The following EPS15 variants were observed in gnomAD, a reference collection of about 807,000 sequenced individuals.
EPS15 encodes epidermal growth factor receptor pathway substrate 15, also known as epidermal growth factor receptor substrate 15.
Under a neutral mutation model 113.8 loss-of-function variants are expected in EPS15, and 72 were observed. The observed-to-expected ratio is 0.63, with a 90% CI of 0.52 to 0.77. The LOEUF (loss-of-function observed/expected upper bound fraction) is 0.77. Ranked by LOEUF, EPS15 falls within the 30% of genes least tolerant of loss-of-function variation. The pLI is 0.00. For synonymous variants in EPS15, 344 were observed against 363.4 expected, an observed-to-expected ratio of 0.95 and a Z score of 0.61; for missense variants, 1,048 against 1,045.8, an observed-to-expected ratio of 1.00 and a Z score of -0.03.
intron 22 of EPS15, among the ~76,000 whole-genome samples, chr1:51,364,718 C>G (rs919785612): frequency 6.7e-6 from 1 of 149,232 alleles, no homozygotes; most frequent in African/African-American, 2.5e-5. Flanking sequence ...AGGCTGGTCT[C>G]GAACTCCTGG....
chr1:51,490,299 C>T (rs956793627), intron 1 of EPS15: 1 of 448,526 alleles, frequency 2.2e-6, no homozygotes, highest in Admixed American at 2.4e-5. Flanking sequence ...GGCATGGTGG[C>T]TCACACCTAT....
intron 8 of EPS15, chr1:51,458,420 T>C (rs1418438944): frequency 2.6e-5 from 8 of 302,246 alleles, no homozygotes; most frequent in Non-Finnish European, 4.0e-5. Context: ...ATGACACTAC[T>C]ATTCCCCATC....
At chr1:51,429,343 G>C (rs1362716892) in intron 12 of EPS15, among the ~76,000 whole-genome samples, 1 of 150,308 alleles carries the variant, frequency 6.7e-6, no homozygotes, top group South Asian at 2.1e-4. Flanking sequence ...GTGAAACTCT[G>C]TCTCAAAAAA....
chr1:51,412,160 G>A (rs1174602527), intron 13 of EPS15, among the ~76,000 whole-genome samples: 1 of 152,148 alleles, frequency 6.6e-6, no homozygotes, highest in Non-Finnish European at 1.5e-5. Context: ...TGAACAATGA[G>A]AACGCATGGA....
At chr1:51,451,719 A>C (rs1316791465) in intron 8 of EPS15, among the ~76,000 whole-genome samples, 1 of 151,912 alleles carries the variant, frequency 6.6e-6, no homozygotes, top group Non-Finnish European at 1.5e-5. Context: ...ATTTGCATAC[A>C]GACTGTCCCA....
intron 5 of EPS15, 141 bp downstream of exon 5, chr1:51,468,332 C>A (rs1654998422): frequency 1.5e-6 from 1 of 670,296 alleles, no homozygotes; most frequent in African/African-American, 1.8e-5. Flanking sequence ...ACAGCAGGAG[C>A]CAGTAGGGGG....
At chr1:51,381,744 T>C (rs1468761801) in intron 21 of EPS15, among the ~76,000 whole-genome samples, 2 of 151,876 alleles carry the variant, frequency 1.3e-5, no homozygotes, top group Non-Finnish European at 2.9e-5. Context: ...CAAAGAAAAT[T>C]AGAAAATATC....
intron 1 of EPS15, among the ~76,000 whole-genome samples, chr1:51,511,134 C>T (rs1644612168): frequency 6.6e-6 from 1 of 151,810 alleles, no homozygotes; most frequent in Non-Finnish European, 1.5e-5. Flanking sequence ...CCACTGCACT[C>T]CAGCCTGAGC....
chr1:51,512,921 C>T (rs977754439), intron 1 of EPS15, among the ~76,000 whole-genome samples: 9 of 144,768 alleles, frequency 6.2e-5, no homozygotes, highest in African/African-American at 2.1e-4. Flanking sequence ...GCAATTATAG[C>T]TCACTGTAAC....
At chr1:51,504,178 G>A (rs1367618271) in intron 1 of EPS15, among the ~76,000 whole-genome samples, 2 of 152,092 alleles carry the variant, frequency 1.3e-5, no homozygotes, top group African/African-American at 2.4e-5. Context: ...TCTGGGAGGC[G>A]AAAGCGAGCA....
Position 51,356,547 on chromosome 1 carries a change from G to T in EPS15, c.*153C>A. On this transcript the variant is annotated 3_prime_UTR_variant, in exon 25 of 25. Coordinates refer to ENST00000371733, the MANE Select transcript of EPS15 (RefSeq NM_001981.3). ...AAAAAAAAGACGAATCTGTAATGAA[G>T]AAAAAAAAAAAATCCTAAAATTTTG... 2.1e-6 allele frequency: 1 copy of T among 465,842 alleles called. No individual in the cohort carries two copies. The highest frequency in any genetic ancestry group is 3.5e-6 in the Non-Finnish European group (1 of 285,630). The allele number at this position is 465,842 out of a possible 1,614,324, so 28.9% of individuals were successfully genotyped here. A position where few individuals can be genotyped will look rare whatever the true frequency, so the allele number is the denominator to read the frequency against.
intron 21 of EPS15, among the ~76,000 whole-genome samples, chr1:51,394,019 T>C (rs897782382): frequency 7.2e-5 from 11 of 152,220 alleles, no homozygotes; most frequent in Non-Finnish European, 1.6e-4. Context: ...TGTAAAGCAA[T>C]TTTCATTTTC....
At chr1:51,475,185 G>C (rs1196834065) in intron 2 of EPS15, among the ~76,000 whole-genome samples, 6 of 152,186 alleles carry the variant, frequency 3.9e-5, no homozygotes, top group African/African-American at 1.2e-4. Context: ...ATAATCCTTT[G>C]GGTATATACT....
chr1:51,455,462 C>T (rs1653918922), intron 8 of EPS15, among the ~76,000 whole-genome samples: 1 of 151,918 alleles, frequency 6.6e-6, no homozygotes, highest in Admixed American at 6.6e-5. Flanking sequence ...TGGTGGCGGG[C>T]ACCTGTAATC....
chr1:51,369,509 A>C (rs1418010870), intron 21 of EPS15, among the ~76,000 whole-genome samples: 1 of 152,242 alleles, frequency 6.6e-6, no homozygotes, highest in Non-Finnish European at 1.5e-5. Context: ...TTCCCCAAAG[A>C]ATAAAGGTAA....
chr1:51,414,950 C>A (rs1287850881), intron 13 of EPS15, among the ~76,000 whole-genome samples: 1 of 152,102 alleles, frequency 6.6e-6, no homozygotes, highest in Non-Finnish European at 1.5e-5. Context: ...CTTTTTCATA[C>A]TTTTCTTCAT....
chr1:51,456,788 T>C (rs1654027831), intron 8 of EPS15, among the ~76,000 whole-genome samples: 1 of 152,182 alleles, frequency 6.6e-6, no homozygotes, highest in South Asian at 2.1e-4. Flanking sequence ...TTATAATTTT[T>C]AAAAAGAGTA....
chr1:51,384,298 CTTTTTTTTTTTT>C (rs67265512), intron 21 of EPS15, among the ~76,000 whole-genome samples: 1 of 99,530 alleles, frequency 1.0e-5, no homozygotes, highest in Non-Finnish European at 1.9e-5. Context: ...TTCTTTCTTT[CTTTTTTTTTTTT>C]TTTTTTTTGA....
At chr1:51,435,784 A>C (rs1237365076) in intron 12 of EPS15, among the ~76,000 whole-genome samples, 1 of 152,242 alleles carries the variant, frequency 6.6e-6, no homozygotes, top group Non-Finnish European at 1.5e-5. Context: ...TACTATAGTT[A>C]AACAGTAGAA....
Sources: gnomAD v4.1 joint callset for allele counts (sites outside exome capture counted in the v4.1 genomes callset) on GRCh38, gnomAD v4.1.1 for gene constraint, MANE v1.5 for transcripts, NCBI Gene and HGNC (gene_info 2026-07-23, HGNC 2026-07-21) for gene names.